CLYBL: variants seen among roughly 807,000 people sequenced by gnomAD.
CLYBL encodes the protein citramalyl-CoA lyase, also known as citramalyl-CoA lyase, mitochondrial.
Under a neutral mutation model 38.9 loss-of-function variants are expected in CLYBL, and 31 were observed. The observed-to-expected ratio is 0.80, with a 90% CI of 0.60 to 1.08. CLYBL has a LOEUF of 1.08. Ranked by LOEUF, CLYBL falls within the 50% of genes least tolerant of loss-of-function variation. The pLI is 0.00. For missense variants in CLYBL, 434 were observed against 411.6 expected, an observed-to-expected ratio of 1.05 and a Z score of -0.47; for synonymous variants, 171 against 158.6, an observed-to-expected ratio of 1.08 and a Z score of -0.59.
At chr13:99,839,605 A>G (rs2051019810) in intron 2 of CLYBL, among the ~76,000 whole-genome samples, 1 of 152,126 alleles carries the variant, frequency 6.6e-6, no homozygotes. Context: ...GTGACACACC[A>G]TTGGGTGTGT....
chr13:99,743,348 A>G (rs2139607174), intron 1 of CLYBL, among the ~76,000 whole-genome samples: 1 of 152,314 alleles, frequency 6.6e-6, no homozygotes, highest in Non-Finnish European at 1.5e-5. Context: ...GAGAACACTT[A>G]GTCCCTTTTT....
At chr13:99,829,646 A>C (rs938864426) in intron 2 of CLYBL, among the ~76,000 whole-genome samples, 1 of 152,180 alleles carries the variant, frequency 6.6e-6, no homozygotes, top group African/African-American at 2.4e-5. Flanking sequence ...TTTTGACTCA[A>C]ATGATGACAT....
rs535442089 is a variant in CLYBL at position 99,627,901 on chromosome 13, G to A, written c.62+21144G>A. 5.3e-5 allele frequency among the ~76,000 whole-genome samples: 8 copies of A among 152,294 alleles called. No homozygotes were observed. The South Asian group carries it at 1.5e-3, about 28-fold the overall frequency. On this transcript the variant is annotated intron_variant, in intron 1 of 8. Transcript: ENST00000339105. ...GAAAGTTAGATATACCTGCACATGT[G>A]AATTTCATGTATTTTCTGGTAATCA...
At chr13:99,774,440 T>A (rs2049467798) in intron 2 of CLYBL, among the ~76,000 whole-genome samples, 1 of 152,144 alleles carries the variant, frequency 6.6e-6, no homozygotes, top group Non-Finnish European at 1.5e-5. Context: ...CTTTTAAAGT[T>A]AAAAACATGA....
At chr13:99,615,752 T>C (rs367607367) in intron 1 of CLYBL, among the ~76,000 whole-genome samples, 1 of 152,168 alleles carries the variant, frequency 6.6e-6, no homozygotes, top group African/African-American at 2.4e-5. Flanking sequence ...ATTCCCTCCT[T>C]CTTTCCTTCC....
intron 2 of CLYBL, among the ~76,000 whole-genome samples, chr13:99,808,717 A>G (rs2050280531): frequency 6.6e-6 from 1 of 152,242 alleles, no homozygotes; most frequent in Admixed American, 6.5e-5. Context: ...GAATGATAAC[A>G]TTGGAGGTGG....
At chr13:99,805,928 A>G (rs9513668) in intron 2 of CLYBL, among the ~76,000 whole-genome samples, 29,512 of 151,978 alleles carry the variant, frequency 0.19, 3,022 homozygotes, top group East Asian at 0.25. Flanking sequence ...AGATCTTTGT[A>G]TTTATTATTT....
At chr13:99,663,119 G>C (rs960319822) in intron 1 of CLYBL, among the ~76,000 whole-genome samples, 3 of 152,210 alleles carry the variant, frequency 2.0e-5, no homozygotes, top group African/African-American at 4.8e-5. Flanking sequence ...AAACGGAGCA[G>C]TGTAAACTCA....
intron 1 of CLYBL, among the ~76,000 whole-genome samples, chr13:99,694,602 G>T (rs532426098): frequency 1.3e-5 from 2 of 152,210 alleles, no homozygotes; most frequent in East Asian, 1.9e-4. Context: ...ATCATGTGGG[G>T]TGCTCCTTGT....
At chr13:99,639,480 G>A in intron 1 of CLYBL, among the ~76,000 whole-genome samples, 1 of 152,180 alleles carries the variant, frequency 6.6e-6, no homozygotes, top group East Asian at 1.9e-4. Flanking sequence ...TTTTAAAGGA[G>A]TGCTCCGATG....
chr13:99,635,305 G>A (rs920870147), intron 1 of CLYBL, among the ~76,000 whole-genome samples: 5 of 151,722 alleles, frequency 3.3e-5, no homozygotes, highest in African/African-American at 4.8e-5. Flanking sequence ...TCTGCACCAC[G>A]CCCCCCACAC....
At chr13:99,903,416 T>TCACACA (rs111969660) in intron 8 of CLYBL, among the ~76,000 whole-genome samples, 11,667 of 151,786 alleles carry the variant, frequency 0.077, 480 homozygotes, top group Admixed American at 0.11. Context: ...ACTCACACAC[T>TCACACA]CGCACACGCA....
At chr13:99,655,483 G>C (rs1157736049) in intron 1 of CLYBL, among the ~76,000 whole-genome samples, 5 of 152,236 alleles carry the variant, frequency 3.3e-5, no homozygotes. Context: ...TAGTTGCTGG[G>C]ACAGAAATGC....
intron 2 of CLYBL, among the ~76,000 whole-genome samples, chr13:99,845,196 G>A (rs1220886239): frequency 6.6e-6 from 1 of 152,172 alleles, no homozygotes; most frequent in African/African-American, 2.4e-5. Context: ...TCGTTTTGAC[G>A]CACGGTTTAG....
intron 2 of CLYBL, among the ~76,000 whole-genome samples, chr13:99,819,851 T>C (rs1397035873): frequency 6.6e-6 from 1 of 152,090 alleles, no homozygotes; most frequent in Non-Finnish European, 1.5e-5. Flanking sequence ...CTTTTTTACT[T>C]AGTCTATTGA....
chr13:99,649,011 G>A lies in CLYBL; in HGVS notation c.62+42254G>A, dbSNP rs549775617. Among the ~76,000 whole-genome samples the A allele has an allele frequency of 1.8e-3, 266 of 151,678 alleles. 1 individual carries two copies. The highest frequency in any genetic ancestry group is 3.1e-3 in the Non-Finnish European group (213 of 67,926). On this transcript the variant is annotated intron_variant, in intron 1 of 8. Transcript: ENST00000339105. ...GTAAATTAATAAAATCATCTAGGAT[G>A]CTAAATGCATAAACTTTCAATTGAG...
chr13:99,799,573 T>C (rs2050090785), intron 2 of CLYBL, among the ~76,000 whole-genome samples: 1 of 151,706 alleles, frequency 6.6e-6, no homozygotes. Context: ...ACTGGCATAT[T>C]ATTGTGTTAG....
chr13:99,843,723 T>A (rs549422129), intron 2 of CLYBL, among the ~76,000 whole-genome samples: 9 of 151,576 alleles, frequency 5.9e-5, no homozygotes, highest in African/African-American at 1.7e-4. Context: ...TGCCTCAGCC[T>A]CCCACGTAGC....
chr13:99,644,228 TGTG>T (rs1448691480), intron 1 of CLYBL, among the ~76,000 whole-genome samples: 1 of 152,044 alleles, frequency 6.6e-6, no homozygotes, highest in Non-Finnish European at 1.5e-5. Context: ...TGTATGTATA[TGTG>T]GTGTATGTAT....
Sources: gnomAD v4.1 joint callset for allele counts (sites outside exome capture counted in the v4.1 genomes callset) on GRCh38, gnomAD v4.1.1 for gene constraint, MANE v1.5 for transcripts, NCBI Gene and HGNC (gene_info 2026-07-23, HGNC 2026-07-21) for gene names.